The following EYS variants were observed in gnomAD, a reference collection of about 807,000 sequenced individuals.
EYS encodes the protein EGF-like photoreceptor maintenance factor.
Under a neutral mutation model 282.1 loss-of-function variants are expected in EYS, and 250 were observed. The ratio of observed to expected loss-of-function variants is 0.89; its 90% CI spans 0.80 to 0.98. The LOEUF is 0.98. Among genes scored for constraint, EYS ranks in the 50% least tolerant of loss-of-function variants. The pLI, the probability that EYS is intolerant of heterozygous loss-of-function variation, is 0.00. For synonymous variants in EYS, 1,355 were observed against 1,282.9 expected, an observed-to-expected ratio of 1.06 and a Z score of -1.20; for missense variants, 4,016 against 3,709.0, an observed-to-expected ratio of 1.08 and a Z score of -2.15.
chr6:64,793,507 T>C (rs1231095514), intron 22 of EYS, among the ~76,000 whole-genome samples: 1 of 152,144 alleles, frequency 6.6e-6, no homozygotes, highest in Non-Finnish European at 1.5e-5. Context: ...ATTGGATAAT[T>C]TTGCCTAAAT....
intron 22 of EYS, among the ~76,000 whole-genome samples, chr6:64,770,935 G>A (rs1773506280): frequency 6.6e-6 from 1 of 151,644 alleles, no homozygotes; most frequent in Admixed American, 6.6e-5. Flanking sequence ...GATCAAGAGG[G>A]ATATAATATA....
At chr6:63,795,921 T>A (rs1159562886) in intron 37 of EYS, among the ~76,000 whole-genome samples, 2 of 152,128 alleles carry the variant, frequency 1.3e-5, no homozygotes, top group Non-Finnish European at 2.9e-5. Context: ...ATGGTAATCA[T>A]TATGAAATTC....
chr6:65,400,705 C>G (rs1173024058), intron 7 of EYS, among the ~76,000 whole-genome samples: 3 of 151,906 alleles, frequency 2.0e-5, no homozygotes, highest in Non-Finnish European at 2.9e-5. Flanking sequence ...TTCAGTTTCT[C>G]TCTCATCTAC....
Position 64,663,378 on chromosome 6 carries a change from C to A in EYS, c.3444-37133G>T, listed in dbSNP as rs578051506. Among the ~76,000 whole-genome samples the A allele has an allele frequency of 4.7e-4, 70 of 147,928 alleles. 1 individual carries two copies. In the East Asian group the frequency reaches 7.9e-3, roughly 17 times the overall value. On this transcript the variant is annotated intron_variant, in intron 22 of 42. Coordinates refer to ENST00000503581, the MANE Select transcript of EYS (RefSeq NM_001142800.2). ...ACACCATTAATTGGACAGTTAACAA[C>A]TTTTTCAAAAGGTTGATAAGTAAAT...
chr6:65,588,312 A>G (rs1236540611), intron 2 of EYS, among the ~76,000 whole-genome samples: 1 of 152,020 alleles, frequency 6.6e-6, no homozygotes, highest in Non-Finnish European at 1.5e-5. Flanking sequence ...GCCAAATACT[A>G]TTAATATAAA....
intron 41 of EYS, among the ~76,000 whole-genome samples, chr6:63,728,279 G>C (rs1041940260): frequency 1.3e-5 from 2 of 151,876 alleles, no homozygotes; most frequent in African/African-American, 4.8e-5. Flanking sequence ...TCTAATACTT[G>C]ATTTATTTTA....
At chr6:64,012,667 AT>A (rs1240350794) in intron 33 of EYS, among the ~76,000 whole-genome samples, 2 of 152,128 alleles carry the variant, frequency 1.3e-5, no homozygotes, top group Non-Finnish European at 2.9e-5. Flanking sequence ...GGGTAAGCAA[AT>A]TTAAGGAAAT....
intron 7 of EYS, among the ~76,000 whole-genome samples, chr6:65,393,835 T>C (rs1275433433): frequency 6.6e-6 from 1 of 150,694 alleles, no homozygotes; most frequent in Non-Finnish European, 1.5e-5. Context: ...ATCCAGTGAG[T>C]AGAAAACAAA....
chr6:63,939,996 G>C (rs1483301124), intron 35 of EYS, among the ~76,000 whole-genome samples: 1 of 152,208 alleles, frequency 6.6e-6, no homozygotes, highest in African/African-American at 2.4e-5. Context: ...GAGCTCAAGT[G>C]TTTTGGGTAT....
chr6:63,845,871 TC>T (rs1448297301), intron 36 of EYS, among the ~76,000 whole-genome samples: 1 of 152,192 alleles, frequency 6.6e-6, no homozygotes, highest in Non-Finnish European at 1.5e-5. Context: ...ATTGTATAAT[TC>T]CCTAGCTATC....
At chr6:64,626,047 C>A in intron 23 of EYS, 74 bp downstream of exon 23, 1 of 874,896 alleles carries the variant, frequency 1.1e-6, no homozygotes, top group Non-Finnish European at 1.8e-6. Context: ...ATTATACATA[C>A]ATGTCCATAT....
chr6:64,540,479 T>C (rs889105190), intron 26 of EYS, among the ~76,000 whole-genome samples: 3 of 126,528 alleles, frequency 2.4e-5, no homozygotes, highest in Non-Finnish European at 4.8e-5. Context: ...GTACAGATTT[T>C]TTTTTTTTTT....
At chr6:65,613,152 T>G (rs1408089915) in intron 2 of EYS, among the ~76,000 whole-genome samples, 2 of 151,944 alleles carry the variant, frequency 1.3e-5, no homozygotes, top group African/African-American at 4.8e-5. Flanking sequence ...TTAATTTTCT[T>G]GTCTTTCTTA....
At chr6:65,119,707 A>T (rs1775473641) in intron 12 of EYS, among the ~76,000 whole-genome samples, 2 of 149,558 alleles carry the variant, frequency 1.3e-5, no homozygotes, top group South Asian at 4.2e-4. Context: ...TGATATTAAA[A>T]ACAAACAAAA....
intron 13 of EYS, among the ~76,000 whole-genome samples, chr6:65,003,063 G>A (rs1158225989): frequency 6.8e-6 from 1 of 147,670 alleles, no homozygotes; most frequent in Non-Finnish European, 1.5e-5. Flanking sequence ...AAAAAGAACA[G>A]GATAACAGCA....
At chr6:63,982,775 C>CCATA (rs1225982385) in intron 35 of EYS, among the ~76,000 whole-genome samples, 3 of 151,684 alleles carry the variant, frequency 2.0e-5, no homozygotes, top group Admixed American at 6.6e-5. Flanking sequence ...GATTGCAGGG[C>CCATA]CATAGTAGGG....
At chr6:64,788,969 G>A (rs1774102100) in intron 22 of EYS, among the ~76,000 whole-genome samples, 2 of 152,152 alleles carry the variant, frequency 1.3e-5, no homozygotes, top group Admixed American at 1.3e-4. Context: ...TCAATAAAGT[G>A]ATTGCAATTT....
At chr6:63,929,578 A>G (rs1230325398) in intron 35 of EYS, among the ~76,000 whole-genome samples, 1 of 152,186 alleles carries the variant, frequency 6.6e-6, no homozygotes, top group Non-Finnish European at 1.5e-5. Context: ...AAAACTACAG[A>G]CTGCACTTGT....
chr6:65,659,927 G>A (rs561944807), intron 1 of EYS, among the ~76,000 whole-genome samples: 1 of 151,648 alleles, frequency 6.6e-6, no homozygotes, highest in Non-Finnish European at 1.5e-5. Flanking sequence ...AACAGCTCTT[G>A]GAAGTCCACC....
Sources: gnomAD v4.1 joint callset for allele counts (sites outside exome capture counted in the v4.1 genomes callset) on GRCh38, gnomAD v4.1.1 for gene constraint, MANE v1.5 for transcripts, NCBI Gene and HGNC (gene_info 2026-07-23, HGNC 2026-07-21) for gene names.